The following ZNF429 variants were observed in gnomAD, a reference collection of about 807,000 sequenced individuals.
ZNF429 encodes zinc finger protein 429.
Under a neutral mutation model 56.8 loss-of-function variants are expected in ZNF429, and 53 were observed. The observed-to-expected ratio is 0.93, with a 90% confidence interval of 0.75 to 1.17. ZNF429 has a LOEUF of 1.17. Among genes scored for constraint, ZNF429 ranks in the 50% most tolerant of loss-of-function variants. The pLI, the probability that ZNF429 is intolerant of heterozygous loss-of-function variation, is 0.00. For synonymous variants in ZNF429, 278 were observed against 264.7 expected, an observed-to-expected ratio of 1.05 and a Z score of -0.49; for missense variants, 849 against 788.4, an observed-to-expected ratio of 1.08 and a Z score of -0.92.
At position 21,537,672 on chromosome 19, in the gene ZNF429, A is replaced by C; in HGVS notation, c.1619A>C (p.Glu540Ala). The C allele has an allele frequency of 6.2e-7, 1 of 1,613,804 alleles. No individual in the cohort carries two copies. The highest frequency in any genetic ancestry group is 8.5e-7 in the Non-Finnish European group (1 of 1,179,936). ...ACTGGAGAGAAACCTTACAAATGTG[A>C]AGAATGTGGCAAAGCTTTTAACCGG... Reference protein sequence around the residue: ...IHTGEKPYKCEECGKAFNRSS... With the variant: ...IHTGEKPYKCAECGKAFNRSS... Residue 540 changes from glutamate (E) to alanine (A), a missense_variant, in exon 4 of 4, where the codon GAA (glutamate) becomes GCA (alanine). Physicochemically the swap from Glu to Ala is moderately radical, Grantham distance 107. Coordinates refer to ENST00000358491, the MANE Select transcript of ZNF429 (RefSeq NM_001001415.4).
chr19:21,537,313 T>C lies in ZNF429; in HGVS notation c.1260T>C (p.Thr420=). 1 of 1,614,104 alleles carries C rather than the reference T, an allele frequency of 6.2e-7. No homozygotes were observed. The highest frequency in any genetic ancestry group is 8.5e-7 in the Non-Finnish European group (1 of 1,180,008). ...STLTQDKKIH[T]GEKPYNCEEC... ...TTACTCAAGACAAGAAAATTCATAC[T>C]GGAGAGAAACCCTACAATTGTGAAG... The change falls in exon 4 of 4, where the codon ACT becomes ACC. Residue 420 remains threonine, a synonymous_variant. Transcript: ENST00000358491.
At chr19:21,507,155 C>A (rs781533059) in intron 1 of ZNF429, among the ~76,000 whole-genome samples, 6 of 152,116 alleles carry the variant, frequency 3.9e-5, no homozygotes, top group Non-Finnish European at 7.4e-5. Flanking sequence ...ACTCCCTACA[C>A]AAAACTGATC....
intron 3 of ZNF429, among the ~76,000 whole-genome samples, chr19:21,535,110 A>T: frequency 6.7e-6 from 1 of 150,224 alleles, no homozygotes; most frequent in Non-Finnish European, 1.5e-5. Flanking sequence ...TACAGGCGTG[A>T]GCCACCGCGC....
At chr19:21,534,584 T>C in intron 3 of ZNF429, among the ~76,000 whole-genome samples, 1 of 152,094 alleles carries the variant, frequency 6.6e-6, no homozygotes, top group Non-Finnish European at 1.5e-5. Flanking sequence ...TGCCCAGGCC[T>C]GGTCTCAAAC....
intron 1 of ZNF429, among the ~76,000 whole-genome samples, chr19:21,517,922 T>C (rs2032826350): frequency 6.6e-6 from 1 of 151,614 alleles, no homozygotes; most frequent in Non-Finnish European, 1.5e-5. Context: ...GCCTCCTGAG[T>C]AGATGGGACT....
At chr19:21,515,067 A>G (rs567717331) in intron 1 of ZNF429, among the ~76,000 whole-genome samples, 5 of 151,928 alleles carry the variant, frequency 3.3e-5, no homozygotes, top group East Asian at 1.9e-4. Flanking sequence ...CAGCCTCCCA[A>G]GTAGCTGGGA....
chr19:21,535,331 TTTC>T, intron 3 of ZNF429, among the ~76,000 whole-genome samples: 1 of 29,924 alleles, frequency 3.3e-5, no homozygotes, highest in Non-Finnish European at 5.9e-5. Flanking sequence ...TTCTTTCTCT[TTTC>T]TTTTCTTTCC....
At chr19:21,532,857 C>T in intron 3 of ZNF429, among the ~76,000 whole-genome samples, 1 of 152,098 alleles carries the variant, frequency 6.6e-6, no homozygotes, top group Non-Finnish European at 1.5e-5. Context: ...TGCCACCACA[C>T]CTGGCTAATT....
At chr19:21,513,466 A>G (rs2032597046) in intron 1 of ZNF429, among the ~76,000 whole-genome samples, 1 of 152,122 alleles carries the variant, frequency 6.6e-6, no homozygotes, top group African/African-American at 2.4e-5. Context: ...AGAAGCATAG[A>G]TGGGCCCATG....
At chr19:21,523,714 A>C (rs1334025999) in intron 1 of ZNF429, among the ~76,000 whole-genome samples, 1 of 151,756 alleles carries the variant, frequency 6.6e-6, no homozygotes, top group African/African-American at 2.4e-5. Context: ...ATTCCAGTCA[A>C]CTTGAATCTT....
chr19:21,518,547 A>C (rs553819374), intron 1 of ZNF429: 1 of 151,996 alleles, frequency 6.6e-6, no homozygotes, highest in Admixed American at 6.6e-5. Context: ...TTTGTACTGA[A>C]TTATATCTTT....
chr19:21,508,699 CTT>C (rs34788876), intron 1 of ZNF429, among the ~76,000 whole-genome samples: 115 of 143,878 alleles, frequency 8.0e-4, no homozygotes, highest in Non-Finnish European at 9.9e-4. Flanking sequence ...TTTTCTCAGG[CTT>C]TTTTTTTTTT....
chr19:21,536,420 T>G lies in ZNF429; in HGVS notation c.367T>G (p.Cys123Gly). 6.2e-7 allele frequency: 1 copy of G among 1,613,916 alleles called. No homozygotes were observed. Among genetic ancestry groups the G allele is most frequent in the Non-Finnish European group, 8.5e-7 (1 of 1,179,926 alleles). Residue 123 changes from cysteine (C) to glycine (G), a missense_variant, in exon 4 of 4, where the codon TGT becomes GGT. Transcript: ENST00000358491. ...LRKGYKTVGDCKLYKGGYNGL... is the reference protein window; with the variant it reads ...LRKGYKTVGDGKLYKGGYNGL... ...AAAAGGCTATAAAACTGTAGGTGAT[T>G]GTAAGCTATACAAAGGAGGTTATAA...
intron 3 of ZNF429, among the ~76,000 whole-genome samples, chr19:21,535,296 C>CT: frequency 2.4e-5 from 2 of 82,546 alleles, no homozygotes; most frequent in Non-Finnish European, 2.4e-5. Context: ...CATTTCTTTC[C>CT]TTCTTTCTTT....
intron 1 of ZNF429, among the ~76,000 whole-genome samples, chr19:21,524,385 G>A (rs891231935): frequency 1.3e-5 from 2 of 152,122 alleles, no homozygotes; most frequent in Non-Finnish European, 2.9e-5. Context: ...AAAATTAGCC[G>A]AGTGTGGTGG....
Position 21,537,766 on chromosome 19 carries a change from C to T in ZNF429, c.1713C>T (p.Asp571=). 1 of 1,613,666 alleles carries T rather than the reference C, an allele frequency of 6.2e-7. No homozygotes were observed. Among genetic ancestry groups the T allele is most frequent in the Non-Finnish European group, 8.5e-7 (1 of 1,179,972 alleles). Reference sequence around the variant, plus strand: ...AACCCTACAAATGTAAACAATGTGACAAAGCTTTTACCCACTCCTCAAACC... The same window carrying T: ...AACCCTACAAATGTAAACAATGTGATAAAGCTTTTACCCACTCCTCAAACC... ...GEKPYKCKQC[D]KAFTHSSNLS... is the part of the protein sequence containing the mutation. Residue 571 remains aspartate (D), a synonymous_variant, in exon 4 of 4, where the codon GAC becomes GAT. Coordinates refer to ENST00000358491, the MANE Select transcript of ZNF429 (RefSeq NM_001001415.4).
Position 21,537,264 on chromosome 19 carries a change from G to A in ZNF429, c.1211G>A (p.Arg404Lys), listed in dbSNP as rs1485521580. 1 of 1,610,210 alleles carries A rather than the reference G, an allele frequency of 6.2e-7. No individual in the cohort carries two copies. Among genetic ancestry groups the A allele is most frequent in the Non-Finnish European group, 8.5e-7 (1 of 1,179,020 alleles). Residue 404 changes from arginine (R) to lysine (K), a missense_variant, in exon 4 of 4, where the codon AGA becomes AAA. Coordinates refer to ENST00000358491, the MANE Select transcript of ZNF429 (RefSeq NM_001001415.4). ...EEPYKFEKCG[R>K]VFTCSSTLTQ... ...CCCTACAAATTTGAAAAATGTGGCAGAGTTTTTACCTGTTCCTCAACACTT... is the reference window on the plus strand; with the variant it reads ...CCCTACAAATTTGAAAAATGTGGCAAAGTTTTTACCTGTTCCTCAACACTT...
At position 21,537,387 on chromosome 19, in the gene ZNF429, G is replaced by T. The variant is rs117327054; in HGVS notation, c.1334G>T (p.Arg445Ile). The change falls in exon 4 of 4, where the codon AGA becomes ATA. Residue 445 changes from arginine to isoleucine, a missense_variant. By Grantham distance (97) the Arg-to-Ile change is moderately conservative. Transcript: ENST00000358491. ...TCCTCTACACTTACTAGACATAAGA[G>T]AATTCATACTGAAGAGAAACCCTAT... ...TYSSTLTRHK[R>I]IHTEEKPYKC... 1.1e-5 allele frequency: 17 copies of T among 1,607,634 alleles called. No individual in the cohort carries two copies. Among genetic ancestry groups the T allele is most frequent in the African/African-American group, 6.9e-5 (5 of 72,832 alleles).
intron 1 of ZNF429, among the ~76,000 whole-genome samples, chr19:21,509,971 C>T (rs537713097): frequency 6.6e-5 from 10 of 151,398 alleles, no homozygotes; most frequent in East Asian, 2.0e-4. Flanking sequence ...TGCAGTGGCA[C>T]GATCTCTGCT....
Sources: allele counts gnomAD v4.1 joint callset (sites outside exome capture counted in the v4.1 genomes callset), GRCh38; gene constraint gnomAD v4.1.1; transcripts MANE v1.5; gene names NCBI Gene and HGNC (gene_info 2026-07-23, HGNC 2026-07-21).